KEAP1: variants seen among roughly 807,000 people sequenced by gnomAD.
KEAP1 encodes kelch-like ECH-associated protein 1.
Under a neutral mutation model 59.7 loss-of-function variants are expected in KEAP1, and 26 were observed. The observed-to-expected ratio is 0.44, with a 90% CI of 0.32 to 0.60. The LOEUF (loss-of-function observed/expected upper bound fraction) is 0.60, where lower values mean the gene tolerates loss of function less well. KEAP1 is among the 20% of genes least tolerant of loss of function. The probability of loss-of-function intolerance (pLI) is 0.06; values close to 1 mark genes in which losing one functional copy is unlikely to be tolerated. For missense variants in KEAP1, 539 were observed against 871.4 expected (o/e 0.62, Z 4.80); for synonymous variants, 350 against 358.3 (o/e 0.98, Z 0.26).
chr19:10,494,017 C>A (rs1914766915), intron 2 of KEAP1, among the ~76,000 whole-genome samples: 1 of 152,128 alleles, frequency 6.6e-6, no homozygotes, highest in African/African-American at 2.4e-5. Flanking sequence ...TCATAGCTCA[C>A]TGTAGCCTTG....
intron 1 of KEAP1, 133 bp from the exon 2 acceptor site, chr19:10,500,213 A>T: frequency 3.1e-6 from 2 of 645,390 alleles, no homozygotes; most frequent in Non-Finnish European, 5.2e-6. Flanking sequence ...ATCCATTTGC[A>T]AACTTGCAAA....
At chr19:10,494,071 CGCTGGG>C (rs1312703289) in intron 2 of KEAP1, among the ~76,000 whole-genome samples, 5 of 151,622 alleles carry the variant, frequency 3.3e-5, no homozygotes, top group African/African-American at 4.8e-5. Flanking sequence ...CCTCCTGAGT[CGCTGGG>C]ACTACAGGTG....
Position 10,489,325 on chromosome 19 carries a change from A to G in KEAP1, c.1575T>C (p.Tyr525=), listed in dbSNP as rs1914589127. ...CGCTGTTCAGCTGGTCCTGACCATCATAGCCCCCAGCAGCATAGATACAGT... is the reference window on the plus strand; with the variant it reads ...CGCTGTTCAGCTGGTCCTGACCATCGTAGCCCCCAGCAGCATAGATACAGT... ...LHNCIYAAGG[Y]DGQDQLNSVE... The change falls in exon 5 of 6, where the codon TAT becomes TAC. Residue 525 remains tyrosine (Y), a synonymous_variant. Coordinates refer to ENST00000171111, the MANE Select transcript of KEAP1 (RefSeq NM_203500.2). The G allele has an allele frequency of 1.9e-6, 3 of 1,613,912 alleles. No homozygotes were observed. Among genetic ancestry groups the G allele is most frequent in the South Asian group, 2.2e-5 (2 of 91,086 alleles).
At chr19:10,489,389 A>G (rs1914591208) in intron 4 of KEAP1, 21 bp from the exon 5 acceptor site, 1 of 1,600,854 alleles carries the variant, frequency 6.2e-7, no homozygotes, top group Admixed American at 1.7e-5. Context: ...CCATGCAGAG[A>G]AGGTGACTCT....
Position 10,489,175 on chromosome 19 carries a change from C to T in KEAP1, c.1708+17G>A, listed in dbSNP as rs201498626. 2.5e-4 allele frequency: 398 copies of T among 1,607,178 alleles called. No individual in the cohort carries two copies. Among genetic ancestry groups the T allele is most frequent in the East Asian group, 4.5e-4 (20 of 44,730 alleles). ...AGATGGGCTAGTCAGGACTCTTCCC[C>T]GCCCCCAGGGCCTCACCAAGGACGT... On this transcript the variant is annotated intron_variant, in intron 5 of 5. Coordinates refer to ENST00000171111, the MANE Select transcript of KEAP1 (RefSeq NM_203500.2).
intron 3 of KEAP1, chr19:10,490,465 C>T (rs548131843): frequency 2.0e-4 from 30 of 151,860 alleles, no homozygotes; most frequent in African/African-American, 7.2e-4. Flanking sequence ...CAGGCACCCA[C>T]CACCACGCCC....
chr19:10,496,030 G>T (rs1481229101), intron 2 of KEAP1, among the ~76,000 whole-genome samples: 1 of 151,404 alleles, frequency 6.6e-6, no homozygotes, highest in East Asian at 1.9e-4. Context: ...ACCAAGAAAA[G>T]ATATAAAAAT....
At chr19:10,494,728 TC>T (rs1181390824) in intron 2 of KEAP1, among the ~76,000 whole-genome samples, 1 of 148,826 alleles carries the variant, frequency 6.7e-6, no homozygotes, top group African/African-American at 2.5e-5. Flanking sequence ...CGATCTTGCC[TC>T]ACTGCAAGCT....
Position 10,500,097 on chromosome 19 carries a change from A to G in KEAP1, c.-47-17T>C, listed in dbSNP as rs2144632296. On this transcript the variant is annotated splice_polypyrimidine_tract_variant and intron_variant, in intron 1 of 5. Coordinates refer to ENST00000171111, the MANE Select transcript of KEAP1 (RefSeq NM_203500.2). Reference sequence around the variant, plus strand: ...CTCAGGGACCTGGAGGGGAGAGAGCACAGGGCAGAGGGCAGGGGTTGGGAC... The same window carrying G: ...CTCAGGGACCTGGAGGGGAGAGAGCGCAGGGCAGAGGGCAGGGGTTGGGAC... The G allele has an allele frequency of 1.3e-6, 2 of 1,489,796 alleles. No individual in the cohort carries two copies. Among genetic ancestry groups the G allele is most frequent in the South Asian group, 1.4e-5 (1 of 72,864 alleles). 92.3% of individuals were successfully genotyped at this position (1,489,796 alleles called of 1,614,324 possible). A position where few individuals can be genotyped will look rare whatever the true frequency, so the allele number is the denominator to read the frequency against.
At chr19:10,487,037 A>C (rs1367659708) in intron 5 of KEAP1, among the ~76,000 whole-genome samples, 2 of 7,398 alleles carry the variant, frequency 2.7e-4, no homozygotes, top group South Asian at 2.1e-3. Flanking sequence ...GTCTCTTACT[A>C]AAAAAAAAAA....
At chr19:10,496,822 C>T (rs930112401) in intron 2 of KEAP1, among the ~76,000 whole-genome samples, 3 of 147,520 alleles carry the variant, frequency 2.0e-5, no homozygotes, top group South Asian at 2.1e-4. Flanking sequence ...AAGGACTGGG[C>T]GGTGGGGGGC....
rs142049429 is a variant in KEAP1 at position 10,498,980 on chromosome 19, G to A, written c.639+415C>T. On this transcript the variant is annotated intron_variant, in intron 2 of 5. Coordinates refer to ENST00000171111, the MANE Select transcript of KEAP1 (RefSeq NM_203500.2). ...CTCCTGAGCAGCTGGGACTACAGGC[G>A]CCCGCCACCAGGCCTGGCTAATTTT... Among the ~76,000 whole-genome samples, 122 of 152,038 alleles carry A rather than the reference G, an allele frequency of 8.0e-4. 2 individuals are homozygous for A. The East Asian group carries it at 0.021, about 26-fold the overall frequency.
Position 10,489,766 on chromosome 19 carries a change from G to A in KEAP1, c.1413C>T (p.Leu471=). 2 of 1,613,668 alleles carry A rather than the reference G, an allele frequency of 1.2e-6. No individual in the cohort carries two copies. The highest frequency in any genetic ancestry group is 8.5e-7 in the Non-Finnish European group (1 of 1,179,910). Residue 471 remains leucine (L), a synonymous_variant, in exon 4 of 6, where the codon CTC becomes CTT. Coordinates refer to ENST00000171111, the MANE Select transcript of KEAP1 (RefSeq NM_203500.2). ...IGVGVAVLNR[L]LYAVGGFDGT... The stretch of plus-strand genomic sequence containing the variant: ...CGTCAAAGCCCCCCACGGCATAAAG[G>A]AGACGATTGAGGACAGCCACGCCCA...
At chr19:10,501,703 G>T (rs866554837) in intron 1 of KEAP1, among the ~76,000 whole-genome samples, 1 of 152,024 alleles carries the variant, frequency 6.6e-6, no homozygotes, top group African/African-American at 2.4e-5. Context: ...CAGCCACCAC[G>T]ATGGGCTAAT....
Position 10,499,341 on chromosome 19 carries a change from G to C in KEAP1, c.639+54C>G, listed in dbSNP as rs12985702. 118,828 of 1,443,172 alleles carry C rather than the reference G, an allele frequency of 0.082. 5,456 individuals are homozygous for C. Among genetic ancestry groups the C allele is most frequent in the Non-Finnish European group, 0.093 (99,768 of 1,070,902 alleles). The allele number at this position is 1,443,172 out of a possible 1,614,324, so 89.4% of individuals were successfully genotyped here. A position where few individuals can be genotyped will look rare whatever the true frequency, so the allele number is the denominator to read the frequency against. The stretch of plus-strand genomic sequence containing the variant: ...CAAGGGGAGACAGTGATGAGCACTC[G>C]TCCATCCCTGGTCCTTCTCCTGACA... On this transcript the variant is annotated intron_variant, in intron 2 of 5. Transcript: ENST00000171111. This position sits in a 1 kb window ranked among gnomAD's most constrained non-coding sequence, Gnocchi z 6.7.
intron 3 of KEAP1, chr19:10,490,386 C>T (rs1914629780): frequency 1.5e-5 from 2 of 137,300 alleles, no homozygotes; most frequent in African/African-American, 5.5e-5. Context: ...GAGAGCATGG[C>T]TCACTGCAAC....
At position 10,486,648 on chromosome 19, in the gene KEAP1, T is replaced by G. The variant is rs2144577099; in HGVS notation, c.*4A>C. ...TGTATTTTTGCCCAAGAAACAAAAG[T>G]GCCTCAACAGGTACAGTTCTGCTGG... is the stretch of plus-strand genomic sequence containing the variant. On this transcript the variant is annotated 3_prime_UTR_variant, in exon 6 of 6. Transcript: ENST00000171111. 6.2e-7 allele frequency: 1 copy of G among 1,612,682 alleles called. No individual in the cohort carries two copies. Among genetic ancestry groups the G allele is most frequent in the Non-Finnish European group, 8.5e-7 (1 of 1,179,456 alleles).
At chr19:10,487,205 G>C (rs1189692737) in intron 5 of KEAP1, among the ~76,000 whole-genome samples, 1 of 151,982 alleles carries the variant, frequency 6.6e-6, no homozygotes, top group Non-Finnish European at 1.5e-5. Context: ...ATTTAGCCAG[G>C]CTTGGTGGTG....
Position 10,491,986 on chromosome 19 carries a change from C to G in KEAP1, c.916G>C (p.Glu306Gln), listed in dbSNP as rs1457377196. Residue 306 changes from glutamate (E) to glutamine (Q), a missense_variant, in exon 3 of 6, where the codon GAG (glutamate) becomes CAG (glutamine). Physicochemically the swap from Glu to Gln is conservative, Grantham distance 29. This residue lies in a region of KEAP1 where 61 missense variants were observed against 129.9 expected (regional missense o/e 0.47). Transcript: ENST00000171111. This position sits in a 1 kb window ranked among gnomAD's most constrained non-coding sequence, Gnocchi z 5.2. ...GTGGGCTTGTGCAGGGTGAGCTCCT[C>G]GAAGATCTTGACCAGGTAGTCCTTG... is the stretch of plus-strand genomic sequence containing the variant. ...RCKDYLVKIF[E>Q]ELTLHKPTQV... is the part of the protein sequence containing the mutation. The G allele has an allele frequency of 1.2e-6, 2 of 1,614,068 alleles. No individual in the cohort carries two copies. Among genetic ancestry groups the G allele is most frequent in the Non-Finnish European group, 8.5e-7 (1 of 1,180,042 alleles).
Sources: gnomAD v4.1 joint callset for allele counts (sites outside exome capture counted in the v4.1 genomes callset) on GRCh38, gnomAD v4.1.1 for gene constraint, gnomAD v4.1.1 regional missense constraint, Gnocchi (gnomAD v3.1) non-coding constraint, MANE v1.5 for transcripts, NCBI Gene and HGNC (gene_info 2026-07-23, HGNC 2026-07-21) for gene names.